RPF1: variants seen among roughly 807,000 people sequenced by gnomAD.
RPF1 encodes the protein ribosome production factor 1 homolog.
A neutral mutation model predicts 41.9 loss-of-function variants in RPF1; 34 were observed. The observed-to-expected ratio is 0.81, with a 90% CI of 0.62 to 1.08. The LOEUF is 1.08. RPF1 is among the 50% of genes least tolerant of loss of function. RPF1 has a pLI of 0.00. For synonymous variants in RPF1, 140 were observed against 148.9 expected, an observed-to-expected ratio of 0.94 and a Z score of 0.43; for missense variants, 425 against 435.2, an observed-to-expected ratio of 0.98 and a Z score of 0.21.
chr1:84,497,231 TCACA>T (rs1193400450), intron 8 of RPF1, among the ~76,000 whole-genome samples, 194 bp from the exon 9 acceptor site: 5 of 150,936 alleles, frequency 3.3e-5, no homozygotes, highest in Admixed American at 1.3e-4. Flanking sequence ...TACTTTAAAA[TCACA>T]CACACACAGT....
Position 84,490,331 on chromosome 1 carries a change from C to A in RPF1, c.475C>A (p.Leu159Ile). The change falls in exon 5 of 9, where the codon CTC (leucine) becomes ATC (isoleucine). Residue 159 changes from leucine (L) to isoleucine (I), a missense_variant. Leu to Ile is a conservative substitution (Grantham distance 5). Transcript: ENST00000370654. ...SDRPHGRTVR[L>I]CEQLSTVIPN... ...TTTTGTTTTGCAGAGAACAGTACGA[C>A]TCTGTGAACAGCTCTCCACAGTTAT... 6.3e-7 allele frequency: 1 copy of A among 1,589,758 alleles called. No homozygotes were observed. The highest frequency in any genetic ancestry group is 1.2e-5 in the South Asian group (1 of 86,018).
Position 84,495,940 on chromosome 1 carries a change from C to T in RPF1, c.758C>T (p.Thr253Ile). The T allele has an allele frequency of 1.9e-6, 3 of 1,610,828 alleles. No individual in the cohort carries two copies. The highest frequency in any genetic ancestry group is 2.5e-6 in the Non-Finnish European group (3 of 1,177,318). Reference sequence around the variant, plus strand: ...GAAATAATTCTGAATAATTTTACAACACGGCTGGGTCATTCAATTGGACGT... The same window carrying T: ...GAAATAATTCTGAATAATTTTACAATACGGCTGGGTCATTCAATTGGACGT... ...IPEIILNNFTTRLGHSIGRMF... is the reference protein window; with the variant it reads ...IPEIILNNFTIRLGHSIGRMF... Residue 253 changes from threonine (T) to isoleucine (I), a missense_variant, in exon 7 of 9, where the codon ACA (threonine) becomes ATA (isoleucine). Physicochemically the swap from Thr to Ile is moderately conservative, Grantham distance 89. Transcript: ENST00000370654.
chr1:84,496,448 G>T, intron 8 of RPF1, 78 bp downstream of exon 8: 1 of 1,279,358 alleles, frequency 7.8e-7, no homozygotes, highest in South Asian at 1.5e-5. Flanking sequence ...AGAGCATCAG[G>T]AATAGCTAAT....
At chr1:84,480,693 A>G (rs1323998019) in intron 1 of RPF1, among the ~76,000 whole-genome samples, 1 of 152,248 alleles carries the variant, frequency 6.6e-6, no homozygotes, top group East Asian at 1.9e-4. Flanking sequence ...AGGTTAAGCT[A>G]CTCAAATTTT....
At position 84,495,466 on chromosome 1, in the gene RPF1, T is replaced by C. The variant is rs763022971; in HGVS notation, c.699+11T>C. 2 of 1,176,824 alleles carry C rather than the reference T, an allele frequency of 1.7e-6. No homozygotes were observed. Among genetic ancestry groups the C allele is most frequent in the Non-Finnish European group, 1.2e-6 (1 of 805,302 alleles). 72.9% of individuals were successfully genotyped at this position (1,176,824 alleles called of 1,614,324 possible). A position where few individuals can be genotyped will look rare whatever the true frequency, so the allele number is the denominator to read the frequency against. Reference sequence around the variant, plus strand: ...CGTAAAGAAATTAAGGTAAGTTTTATACATTTCTTTGATTGGCATTGATCT... The same window carrying C: ...CGTAAAGAAATTAAGGTAAGTTTTACACATTTCTTTGATTGGCATTGATCT... On this transcript the variant is annotated intron_variant, in intron 6 of 8. Coordinates refer to ENST00000370654, the MANE Select transcript of RPF1 (RefSeq NM_025065.7).
In RPF1 at chr1:84,479,290, A is replaced by C. The variant is rs367993659; in HGVS notation, c.9A>C (p.Lys3Asn). The C allele has an allele frequency of 2.5e-6, 4 of 1,598,390 alleles. No individual in the cohort carries two copies. The African/African-American group carries it at 5.4e-5, about 22-fold the overall frequency. Reference protein sequence around the residue: MAKAGDKSSSSGK... With the variant: MANAGDKSSSSGK... ...GCAAAGGAGCCAAGACCATGGCGAA[A>C]GCCGGGGATAAGAGCAGCAGCAGCG... The change falls in exon 1 of 9, where the codon AAA becomes AAC. Residue 3 changes from lysine (K) to asparagine (N), a missense_variant. Lys to Asn is a moderately conservative substitution (Grantham distance 94). Coordinates refer to ENST00000370654, the MANE Select transcript of RPF1 (RefSeq NM_025065.7).
chr1:84,480,878 T>TAA, intron 1 of RPF1, 78 bp from the exon 2 acceptor site: 1 of 771,466 alleles, frequency 1.3e-6, no homozygotes, highest in South Asian at 1.6e-5. Context: ...ATAGCATTAG[T>TAA]AATTTGTAGT....
chr1:84,479,581 A>G (rs1681604677), intron 1 of RPF1, 72 bp downstream of exon 1: 11 of 1,416,060 alleles, frequency 7.8e-6, no homozygotes, highest in South Asian at 2.5e-5. Flanking sequence ...CGGGGCGCAC[A>G]TCTGTGGTTG....
chr1:84,498,088 A>T lies in RPF1; in HGVS notation c.*618A>T, dbSNP rs1681977008. On this transcript the variant is annotated 3_prime_UTR_variant, in exon 9 of 9. Coordinates refer to ENST00000370654, the MANE Select transcript of RPF1 (RefSeq NM_025065.7). ...TAGTACTCCATTCAGGCACTGAAAC[A>T]AAGTTAACCCTATAAGTAACTCATG... Among the ~76,000 whole-genome samples the T allele has an allele frequency of 6.6e-6, 1 of 152,182 alleles. No homozygotes were observed. Among genetic ancestry groups the T allele is most frequent in the South Asian group, 2.1e-4 (1 of 4,828 alleles).
At chr1:84,491,451 C>G (rs908808300) in intron 5 of RPF1, among the ~76,000 whole-genome samples, 3 of 152,100 alleles carry the variant, frequency 2.0e-5, no homozygotes, top group Non-Finnish European at 4.4e-5. Context: ...ACTTTTATGA[C>G]TTTAATTGTT....
intron 3 of RPF1, among the ~76,000 whole-genome samples, chr1:84,486,045 T>C (rs979734914): frequency 6.6e-6 from 1 of 152,150 alleles, no homozygotes; most frequent in Non-Finnish European, 1.5e-5. Context: ...TAGCCATCTT[T>C]GGGCAAAAAG....
rs781674580 is a variant in RPF1 at position 84,495,449 on chromosome 1, A to T, written c.693A>T (p.Glu231Asp). 9 of 1,391,864 alleles carry T rather than the reference A, an allele frequency of 6.5e-6. No individual in the cohort carries two copies. The East Asian group carries it at 2.1e-4, about 32-fold the overall frequency. The allele number at this position is 1,391,864 out of a possible 1,614,324, so 86.2% of individuals were successfully genotyped here. A position where few individuals can be genotyped will look rare whatever the true frequency, so the allele number is the denominator to read the frequency against. ...FKMSSVRLRK[E>D]IKRRGKDPTE... ...TGAGCAGTGTTCGTCTTCGTAAAGA[A>T]ATTAAGGTAAGTTTTATACATTTCT... Residue 231 changes from glutamate to aspartate, a missense_variant, in exon 6 of 9, where the codon GAA becomes GAT. Transcript: ENST00000370654.
At chr1:84,495,859 T>C in intron 6 of RPF1, 23 bp from the exon 7 acceptor site, 1 of 1,475,928 alleles carries the variant, frequency 6.8e-7, no homozygotes, top group Non-Finnish European at 9.3e-7. Context: ...CATTGTGATA[T>C]TTATTTTTCA....
chr1:84,488,372 T>C (rs973094432), intron 3 of RPF1, among the ~76,000 whole-genome samples: 1 of 152,186 alleles, frequency 6.6e-6, no homozygotes, highest in Non-Finnish European at 1.5e-5. Flanking sequence ...GTAAACTGCA[T>C]GTCTTTGAAA....
chr1:84,480,322 C>T (rs1327809540), intron 1 of RPF1, among the ~76,000 whole-genome samples: 1 of 152,076 alleles, frequency 6.6e-6, no homozygotes, highest in African/African-American at 2.4e-5. Context: ...AATCTGAAAC[C>T]TGGTGGATTG....
chr1:84,489,805 A>G (rs1056521804), intron 4 of RPF1, 77 bp downstream of exon 4: 3 of 810,506 alleles, frequency 3.7e-6, no homozygotes, highest in Non-Finnish European at 6.2e-6. Context: ...TGTTCAGAAG[A>G]GTTAAACCAT....
chr1:84,482,658 C>A (rs1413972895), intron 2 of RPF1, among the ~76,000 whole-genome samples: 2 of 150,284 alleles, frequency 1.3e-5, no homozygotes, highest in African/African-American at 2.5e-5. Flanking sequence ...CTCCTTGTTA[C>A]TTCTGCACAG....
At chr1:84,496,145 G>A in intron 7 of RPF1, 82 bp downstream of exon 7, 1 of 1,468,250 alleles carries the variant, frequency 6.8e-7, no homozygotes, top group Non-Finnish European at 9.3e-7. Flanking sequence ...ACATATTGTA[G>A]CAAGTATCAT....
intron 2 of RPF1, among the ~76,000 whole-genome samples, chr1:84,481,939 T>C (rs902446037): frequency 2.0e-5 from 3 of 152,214 alleles, no homozygotes; most frequent in African/African-American, 4.8e-5. Flanking sequence ...CATAGAAAAT[T>C]GTCAATAGTA....
Sources: allele counts gnomAD v4.1 joint callset (sites outside exome capture counted in the v4.1 genomes callset), GRCh38; gene constraint gnomAD v4.1.1; transcripts MANE v1.5; gene names NCBI Gene and HGNC (gene_info 2026-07-23, HGNC 2026-07-21).